The following PAX5 variants were observed in gnomAD, a reference collection of about 807,000 sequenced individuals.
PAX5 encodes paired box 5.
In PAX5, 9 loss-of-function variants were observed where a neutral mutation model predicts 43.7. The observed-to-expected ratio is 0.21, with a 90% confidence interval of 0.12 to 0.36. The LOEUF is 0.36. Among genes scored for constraint, PAX5 ranks in the 10% least tolerant of loss-of-function variants. PAX5 has a pLI of 1.00. For synonymous variants in PAX5, 228 were observed against 214.3 expected (o/e 1.06, Z -0.56); for missense variants, 383 against 532.7 (o/e 0.72, Z 2.77).
At chr9:36,949,375 A>G (rs1832817222) in intron 6 of PAX5, among the ~76,000 whole-genome samples, 1 of 152,102 alleles carries the variant, frequency 6.6e-6, no homozygotes, top group African/African-American at 2.4e-5. Context: ...AAGTATTGTT[A>G]TTATCCCCAT....
intron 6 of PAX5, among the ~76,000 whole-genome samples, chr9:36,950,523 C>T (rs993676408): frequency 2.6e-5 from 4 of 152,138 alleles, no homozygotes; most frequent in Admixed American, 1.3e-4. Flanking sequence ...ACACCAGACA[C>T]TCTCAGCGAC....
At chr9:36,900,787 C>G (rs755721900) in intron 7 of PAX5, among the ~76,000 whole-genome samples, 2 of 152,192 alleles carry the variant, frequency 1.3e-5, no homozygotes, top group Non-Finnish European at 2.9e-5. Flanking sequence ...GCCCCCAGTC[C>G]TGACCCCGCC....
rs2131762721 is a variant in PAX5 at position 36,882,031 on chromosome 9, C to G, written c.985G>C (p.Ala329Pro). The G allele has an allele frequency of 6.2e-7, 1 of 1,613,262 alleles. No homozygotes were observed. The highest frequency in any genetic ancestry group is 8.5e-7 in the Non-Finnish European group (1 of 1,179,614). ...VPPAGQGSYS[A>P]PTLTGMVPGS... ...GGCACCATCCCTGTCAGCGTCGGTG[C>G]TGAGTAGCTGCCCTGTCCAGCGGGG... is the stretch of plus-strand genomic sequence containing the variant. The change falls in exon 8 of 10, where the codon GCA becomes CCA. Residue 329 changes from alanine to proline, a missense_variant. Physicochemically the swap from Ala to Pro is conservative, Grantham distance 27. Coordinates refer to ENST00000358127, the MANE Select transcript of PAX5 (RefSeq NM_016734.3). The surrounding 1 kb of genome is among the most constrained non-coding windows in gnomAD (Gnocchi z 4.4).
chr9:36,877,384 A>G (rs1374475734), intron 8 of PAX5, among the ~76,000 whole-genome samples: 1 of 152,210 alleles, frequency 6.6e-6, no homozygotes, highest in African/African-American at 2.4e-5. Flanking sequence ...AGTGGCAGCT[A>G]AATGTTTTCT....
chr9:36,960,320 C>A (rs78557969), intron 6 of PAX5, among the ~76,000 whole-genome samples: 1,524 of 152,326 alleles, frequency 0.01, 17 homozygotes, highest in African/African-American at 0.035. Flanking sequence ...CATGCACATA[C>A]ACACATGCAC....
chr9:36,833,955 A>C lies in PAX5; in HGVS notation c.*6605T>G, dbSNP rs1220553957. The C allele has an allele frequency of 4.3e-6, 1 of 233,012 alleles. No individual in the cohort carries two copies. Among genetic ancestry groups the C allele is most frequent in the Non-Finnish European group, 8.5e-6 (1 of 117,982 alleles). 14.4% of individuals were successfully genotyped at this position (233,012 alleles called of 1,614,324 possible). A position where few individuals can be genotyped will look rare whatever the true frequency, so the allele number is the denominator to read the frequency against. ...TAGATATGTATTTCTTTGATGCTGA[A>C]AGGTCAGTCCCTAAGACAAAATCAA... On this transcript the variant is annotated 3_prime_UTR_variant, in exon 10 of 10. Transcript: ENST00000358127.
chr9:36,910,366 AC>A (rs1363686644), intron 7 of PAX5, among the ~76,000 whole-genome samples: 4 of 152,254 alleles, frequency 2.6e-5, no homozygotes, highest in Non-Finnish European at 4.4e-5. Flanking sequence ...TACATTATTT[AC>A]ATCCCCTATG....
chr9:36,892,959 A>T (rs562236321), intron 7 of PAX5, among the ~76,000 whole-genome samples: 1 of 152,348 alleles, frequency 6.6e-6, no homozygotes, highest in African/African-American at 2.4e-5. Context: ...TACTGAAAAT[A>T]TACAGAAGAC....
chr9:37,017,929 G>A (rs983736236), intron 2 of PAX5, among the ~76,000 whole-genome samples: 10 of 152,214 alleles, frequency 6.6e-5, no homozygotes, highest in Admixed American at 1.3e-4. Context: ...CAAAACAGCC[G>A]TGCAGCCCCT....
chr9:36,980,718 A>T (rs893659414), intron 5 of PAX5, among the ~76,000 whole-genome samples: 1 of 152,060 alleles, frequency 6.6e-6, no homozygotes, highest in East Asian at 1.9e-4. Context: ...GCCAGGACAG[A>T]GCTAACAGTG....
intron 6 of PAX5, among the ~76,000 whole-genome samples, chr9:36,951,309 C>T (rs1832986575): frequency 6.6e-6 from 1 of 152,152 alleles, no homozygotes; most frequent in African/African-American, 2.4e-5. Flanking sequence ...TATTCATTAA[C>T]AAGAGGGGCA....
intron 5 of PAX5, among the ~76,000 whole-genome samples, chr9:37,000,308 G>T (rs1001866317): frequency 2.0e-5 from 3 of 152,090 alleles, no homozygotes; most frequent in African/African-American, 7.2e-5. Flanking sequence ...GGCTCTGGTT[G>T]ATTGGGTTTG....
At chr9:36,973,135 A>AAAAGAAAAGG (rs1835103391) in intron 5 of PAX5, among the ~76,000 whole-genome samples, 40 of 74,770 alleles carry the variant, frequency 5.3e-4, no homozygotes, top group African/African-American at 2.4e-3. Context: ...GAAAGGAAAG[A>AAAAGAAAAGG]AAAGGAAAGG....
At chr9:36,966,903 CAG>C (rs1834491535) in intron 5 of PAX5, among the ~76,000 whole-genome samples, 179 bp from the exon 6 acceptor site, 2 of 152,224 alleles carry the variant, frequency 1.3e-5, no homozygotes, top group Non-Finnish European at 2.9e-5. Context: ...CTGGTAAGTT[CAG>C]AGTCAGCCTC....
intron 5 of PAX5, among the ~76,000 whole-genome samples, chr9:37,002,182 G>A (rs999749812): frequency 1.3e-5 from 2 of 152,110 alleles, no homozygotes; most frequent in African/African-American, 2.4e-5. Flanking sequence ...CTGCTGAGAC[G>A]TGTGCAGGGC....
chr9:36,938,729 G>T (rs1459682988), intron 6 of PAX5, among the ~76,000 whole-genome samples: 2 of 152,170 alleles, frequency 1.3e-5, no homozygotes, highest in Non-Finnish European at 2.9e-5. Context: ...GATCCTTCCT[G>T]CCACCCTCTG....
chr9:36,902,019 G>C (rs1828439456), intron 7 of PAX5, among the ~76,000 whole-genome samples: 1 of 152,162 alleles, frequency 6.6e-6, no homozygotes, highest in African/African-American at 2.4e-5. Context: ...AAGGGTGAGG[G>C]AGGGCTCCCA....
At chr9:37,006,113 T>C (rs1446662579) in intron 4 of PAX5, among the ~76,000 whole-genome samples, 1 of 152,222 alleles carries the variant, frequency 6.6e-6, no homozygotes, top group Non-Finnish European at 1.5e-5. Flanking sequence ...CATTCAAAAC[T>C]ACTTACTGAC....
intron 6 of PAX5, among the ~76,000 whole-genome samples, chr9:36,944,325 C>T (rs971725499): frequency 2.0e-5 from 3 of 152,148 alleles, no homozygotes; most frequent in Non-Finnish European, 4.4e-5. Flanking sequence ...CACTCATTAT[C>T]CCCATTTTTT....
Sources: gnomAD v4.1 joint callset for allele counts (sites outside exome capture counted in the v4.1 genomes callset) on GRCh38, gnomAD v4.1.1 for gene constraint, Gnocchi (gnomAD v3.1) non-coding constraint, MANE v1.5 for transcripts, NCBI Gene and HGNC (gene_info 2026-07-23, HGNC 2026-07-21) for gene names.